Variants in RAPGEF2 observed in about 807,000 individuals in gnomAD.
RAPGEF2 encodes the protein Rap guanine nucleotide exchange factor 2.
RAPGEF2 carries 54 observed loss-of-function variants against 186.7 expected under a neutral mutation model. The ratio of observed to expected loss-of-function variants is 0.29; its 90% CI spans 0.23 to 0.36. The LOEUF is 0.36. Ranked by LOEUF, RAPGEF2 falls within the 10% of genes least tolerant of loss-of-function variation. The pLI is 1.00. For missense variants in RAPGEF2, 1,532 were observed against 2,045.0 expected, an observed-to-expected ratio of 0.75 and a Z score of 4.84; for synonymous variants, 712 against 705.9, an observed-to-expected ratio of 1.01 and a Z score of -0.14.
chr4:159,185,175 G>A (rs940089053), intron 1 of RAPGEF2, among the ~76,000 whole-genome samples: 20 of 152,226 alleles, frequency 1.3e-4, no homozygotes, highest in Non-Finnish European at 2.6e-4. Flanking sequence ...AACAAGCTTT[G>A]GTAAGGATAT....
chr4:159,274,005 C>T (rs1361843204), intron 7 of RAPGEF2, among the ~76,000 whole-genome samples: 2 of 151,928 alleles, frequency 1.3e-5, no homozygotes, highest in African/African-American at 2.4e-5. Flanking sequence ...TTGGCCTGGC[C>T]GGTCTTGAGC....
chr4:159,266,394 T>C (rs191269954), intron 7 of RAPGEF2, among the ~76,000 whole-genome samples: 39 of 152,330 alleles, frequency 2.6e-4, no homozygotes, highest in African/African-American at 8.7e-4. Context: ...ACATGTGCCA[T>C]TGATAGATAA....
chr4:159,224,237 A>C (rs967560901), intron 4 of RAPGEF2, among the ~76,000 whole-genome samples: 3 of 152,118 alleles, frequency 2.0e-5, no homozygotes, highest in Admixed American at 6.5e-5. Context: ...ATGTATAGGA[A>C]ATTTTGTGTT....
At chr4:159,267,944 G>A in intron 7 of RAPGEF2, 1 of 1,332,076 alleles carries the variant, frequency 7.5e-7, no homozygotes, top group East Asian at 2.9e-5. Flanking sequence ...TAAAAATGGA[G>A]ACGAACACTG....
intron 7 of RAPGEF2, chr4:159,268,057 TTTCC>T (rs1757644376): frequency 6.7e-7 from 1 of 1,495,578 alleles, no homozygotes; most frequent in Non-Finnish European, 8.9e-7. Flanking sequence ...CCTTTTTTTT[TTTCC>T]TTTTTCTTTT....
intron 4 of RAPGEF2, chr4:159,228,218 G>C (rs1417739017): frequency 6.6e-6 from 1 of 152,298 alleles, no homozygotes; most frequent in Non-Finnish European, 1.5e-5. Flanking sequence ...CTCTGTACAA[G>C]CTACGCCGCG....
At chr4:159,167,706 C>G (rs1745477735) in intron 1 of RAPGEF2, among the ~76,000 whole-genome samples, 1 of 152,164 alleles carries the variant, frequency 6.6e-6, no homozygotes. Flanking sequence ...TTCCTGGCAT[C>G]TAGAATAGAG....
intron 8 of RAPGEF2, among the ~76,000 whole-genome samples, chr4:159,312,572 G>C (rs1196928989): frequency 1.3e-5 from 2 of 152,022 alleles, no homozygotes; most frequent in Non-Finnish European, 2.9e-5. Flanking sequence ...TGTCTGTATG[G>C]GCTGCAGTGG....
chr4:159,217,129 G>C (rs1047915687), intron 4 of RAPGEF2, among the ~76,000 whole-genome samples: 2 of 152,032 alleles, frequency 1.3e-5, no homozygotes, highest in Non-Finnish European at 2.9e-5. Flanking sequence ...AGAGACTGAA[G>C]ACAAATTTAC....
In RAPGEF2 at chr4:159,355,919, C is replaced by G; in HGVS notation, c.4718C>G (p.Thr1573Ser). ...CCCGGCTACATTGGAATTCCCATTA[C>G]TGACTTTCCAGAAGGGCACTCCCAT... is the stretch of plus-strand genomic sequence containing the variant. Reference protein sequence around the residue: ...TPPGYIGIPITDFPEGHSHPA... With the variant: ...TPPGYIGIPISDFPEGHSHPA... The change falls in exon 29 of 30, where the codon ACT (threonine) becomes AGT (serine). Residue 1573 changes from threonine to serine, a missense_variant. Thr to Ser is a moderately conservative substitution (Grantham distance 58). Around this residue, in one of 4 missense-constraint regions of RAPGEF2, gnomAD observed 594 missense variants for 608.5 expected, o/e 0.98. Transcript: ENST00000691494. 1 of 812,244 alleles carries G rather than the reference C, an allele frequency of 1.2e-6. No individual in the cohort carries two copies. The highest frequency in any genetic ancestry group is 1.9e-6 in the Non-Finnish European group (1 of 536,114). 50.3% of individuals were successfully genotyped at this position (812,244 alleles called of 1,614,324 possible). A position where few individuals can be genotyped will look rare whatever the true frequency, so the allele number is the denominator to read the frequency against.
chr4:159,165,083 A>G (rs926121438), intron 1 of RAPGEF2, among the ~76,000 whole-genome samples: 2 of 152,042 alleles, frequency 1.3e-5, no homozygotes, highest in African/African-American at 4.8e-5. Context: ...TTTTTGGGGA[A>G]GGGGAAAAGG....
At position 159,179,068 on chromosome 4, in the gene RAPGEF2, A is replaced by G. The variant is rs1040196656; in HGVS notation, c.70-7574A>G. Among the ~76,000 whole-genome samples, 5 of 152,218 alleles carry G rather than the reference A, an allele frequency of 3.3e-5. No homozygotes were observed. In the East Asian group the frequency reaches 9.6e-4, roughly 29 times the overall value. ...TAACTTCAGTCTACTTTCAAGTAGC[A>G]TCTATTTTGAAAAAAGGATGTCCTT... On this transcript the variant is annotated intron_variant, in intron 1 of 29. Transcript: ENST00000691494.
intron 7 of RAPGEF2, among the ~76,000 whole-genome samples, chr4:159,272,452 TGACTTG>T (rs1395660590): frequency 6.6e-6 from 1 of 152,240 alleles, no homozygotes; most frequent in Non-Finnish European, 1.5e-5. Context: ...GGCTTGACTT[TGACTTG>T]GTCCTTATCT....
intron 1 of RAPGEF2, among the ~76,000 whole-genome samples, chr4:159,151,073 T>G (rs1310907507): frequency 6.6e-6 from 1 of 152,246 alleles, no homozygotes; most frequent in Non-Finnish European, 1.5e-5. Flanking sequence ...AATCGGAGAC[T>G]TATATTGTAC....
chr4:159,262,840 C>T (rs1467456431), intron 7 of RAPGEF2, among the ~76,000 whole-genome samples: 1 of 151,070 alleles, frequency 6.6e-6, no homozygotes, highest in Non-Finnish European at 1.5e-5. Flanking sequence ...TTTTTTTTAA[C>T]ATTTCCTTGG....
chr4:159,339,509 A>T (rs978525636), intron 19 of RAPGEF2, among the ~76,000 whole-genome samples, 155 bp downstream of exon 19: 3 of 152,054 alleles, frequency 2.0e-5, no homozygotes, highest in Non-Finnish European at 4.4e-5. Flanking sequence ...TTCACCAAGA[A>T]TTACTGTATG....
intron 4 of RAPGEF2, among the ~76,000 whole-genome samples, chr4:159,236,230 T>A (rs749713861): frequency 2.0e-5 from 3 of 152,206 alleles, no homozygotes; most frequent in Admixed American, 6.5e-5. Context: ...TTCATCAGGC[T>A]GTAGTGCAAC....
intron 1 of RAPGEF2, among the ~76,000 whole-genome samples, chr4:159,149,278 TGA>T (rs879668505): frequency 3.9e-5 from 6 of 152,340 alleles, no homozygotes; most frequent in Admixed American, 3.3e-4. Context: ...TTTGCTTTTT[TGA>T]GAGAGAGTCT....
chr4:159,318,063 A>G (rs1459345852), intron 9 of RAPGEF2, among the ~76,000 whole-genome samples: 1 of 152,166 alleles, frequency 6.6e-6, no homozygotes, highest in African/African-American at 2.4e-5. Context: ...TCTTTAAAAA[A>G]AAAAAAGTGC....
Sources: gnomAD v4.1 joint callset for allele counts (sites outside exome capture counted in the v4.1 genomes callset) on GRCh38, gnomAD v4.1.1 for gene constraint, gnomAD v4.1.1 regional missense constraint, MANE v1.5 for transcripts, NCBI Gene and HGNC (gene_info 2026-07-23, HGNC 2026-07-21) for gene names.